Variants in NIPSNAP2 observed in about 807,000 individuals in gnomAD.
NIPSNAP2 encodes the protein protein NipSnap homolog 2.
In NIPSNAP2, 42 loss-of-function variants were observed where a neutral mutation model predicts 48.4. That is an observed-to-expected ratio of 0.87 (90% CI 0.68 to 1.12). The LOEUF is 1.12. NIPSNAP2 is among the 50% of genes most tolerant of loss of function. The probability of loss-of-function intolerance (pLI) is 0.00; values close to 1 mark genes in which losing one functional copy is unlikely to be tolerated. For synonymous variants in NIPSNAP2, 158 were observed against 126.6 expected (o/e 1.25, Z -1.67); for missense variants, 314 against 347.3 (o/e 0.90, Z 0.76).
chr7:55,988,954 A>G (rs530063412), intron 7 of NIPSNAP2, among the ~76,000 whole-genome samples: 48 of 152,208 alleles, frequency 3.2e-4, no homozygotes, highest in Non-Finnish European at 5.9e-4. Context: ...ACACTTATAT[A>G]TATGTGTATA....
rs1473382104 is a variant in NIPSNAP2 at position 55,982,241 on chromosome 7, A to T, written c.405A>T (p.Pro135=). 9 of 1,609,976 alleles carry T rather than the reference A, an allele frequency of 5.6e-6. No individual in the cohort carries two copies. The highest frequency in any genetic ancestry group is 7.6e-6 in the Non-Finnish European group (9 of 1,176,640). ...VHLWRYEGGY[P]ALTEVMNKLR... ...TCTGGAGGTATGAAGGAGGCTATCC[A>T]GCCCTCACAGAAGTCATGAATAAAC... The change falls in exon 5 of 10, where the codon CCA becomes CCT. Residue 135 remains proline, a synonymous_variant. Transcript: ENST00000322090.
chr7:55,974,738 C>T (rs937353803), intron 1 of NIPSNAP2, among the ~76,000 whole-genome samples: 1 of 151,238 alleles, frequency 6.6e-6, no homozygotes, highest in Admixed American at 6.6e-5. Flanking sequence ...GTCTCAGCTA[C>T]TCAGGAGGGT....
intron 8 of NIPSNAP2, among the ~76,000 whole-genome samples, chr7:55,997,158 GA>G (rs34739025): frequency 0.086 from 9,609 of 112,108 alleles, 306 homozygotes; most frequent in Admixed American, 0.11. Context: ...CCTTGTCTCA[GA>G]AAAAAAAAAA....
At chr7:55,997,258 G>A in intron 8 of NIPSNAP2, 108 bp from the exon 9 acceptor site, 1 of 772,554 alleles carries the variant, frequency 1.3e-6, no homozygotes, top group Non-Finnish European at 2.3e-6. Context: ...ACCTGAAGTA[G>A]TCCCTGAGAA....
At chr7:55,998,734 C>T (rs183802411) in intron 9 of NIPSNAP2, among the ~76,000 whole-genome samples, 40 of 152,048 alleles carry the variant, frequency 2.6e-4, no homozygotes, top group African/African-American at 8.2e-4. Context: ...TTCCTGACCT[C>T]GTGATCCACC....
intron 7 of NIPSNAP2, among the ~76,000 whole-genome samples, chr7:55,987,924 A>ATT (rs1787364157): frequency 6.6e-6 from 1 of 152,186 alleles, no homozygotes; most frequent in Non-Finnish European, 1.5e-5. Context: ...AAAAATGGGT[A>ATT]AGATGGTAAA....
intron 4 of NIPSNAP2, 76 bp from the exon 5 acceptor site, chr7:55,982,134 A>G (rs1787228438): frequency 3.3e-6 from 3 of 908,300 alleles, no homozygotes; most frequent in South Asian, 2.8e-5. Flanking sequence ...TGTTAACGTT[A>G]TACCTATCTA....
rs1786853453 is a variant in NIPSNAP2, at chr7:55,964,688, C to A, written c.79C>A (p.Leu27Met). 8.0e-6 allele frequency: 9 copies of A among 1,122,582 alleles called. No individual in the cohort carries two copies. Among genetic ancestry groups the A allele is most frequent in the Non-Finnish European group, 9.8e-6 (9 of 918,072 alleles). The allele number at this position is 1,122,582 out of a possible 1,614,324, so 69.5% of individuals were successfully genotyped here. The stretch of plus-strand genomic sequence containing the variant: ...GCAGCGGGCGGCCCCCTGCAGCCTC[C>A]TGCCCAGGCTCCGGTGAGCAGCGCC... ...LLQRAAPCSL[L>M]PRLRTWTSSS... is the part of the protein sequence containing the mutation. The change falls in exon 1 of 10, where the codon CTG (leucine) becomes ATG (methionine). Residue 27 changes from leucine to methionine, a missense_variant. By Grantham distance (15) the Leu-to-Met change is conservative. Around this residue, in one of 2 missense-constraint regions of NIPSNAP2, gnomAD observed 198 missense variants for 185.5 expected, o/e 1.07. Transcript: ENST00000322090.
In NIPSNAP2 at chr7:55,978,130, T is replaced by C; in HGVS notation, c.97T>C (p.Trp33Arg). The change falls in exon 2 of 10, where the codon TGG becomes CGG. Residue 33 changes from tryptophan to arginine, a missense_variant. Physicochemically the swap from Trp to Arg is moderately radical, Grantham distance 101. This residue lies in a region of NIPSNAP2 where 198 missense variants were observed against 185.5 expected (regional missense o/e 1.07). Coordinates refer to ENST00000322090, the MANE Select transcript of NIPSNAP2 (RefSeq NM_001483.3). ...PCSLLPRLRT[W>R]TSSSNRSRED... ...AACACCTTTGTTATTCCATAGGACATGGACATCTTCCAGCAACAGATCTCG... is the reference window on the plus strand; with the variant it reads ...AACACCTTTGTTATTCCATAGGACACGGACATCTTCCAGCAACAGATCTCG... The C allele has an allele frequency of 5.0e-6, 8 of 1,614,152 alleles. No individual in the cohort carries two copies. Among genetic ancestry groups the C allele is most frequent in the Non-Finnish European group, 6.8e-6 (8 of 1,180,022 alleles).
intron 7 of NIPSNAP2, among the ~76,000 whole-genome samples, chr7:55,987,224 G>T (rs2116362707): frequency 6.6e-6 from 1 of 152,242 alleles, no homozygotes; most frequent in South Asian, 2.1e-4. Context: ...ATATCCAACA[G>T]AATTCAAAGC....
intron 1 of NIPSNAP2, among the ~76,000 whole-genome samples, chr7:55,967,079 G>C (rs534327715): frequency 6.6e-6 from 1 of 152,258 alleles, no homozygotes; most frequent in Admixed American, 6.5e-5. Context: ...ATTAGCCAGC[G>C]TATTTCACTT....
intron 4 of NIPSNAP2, 52 bp from the exon 5 acceptor site, chr7:55,982,158 T>C (rs1449560440): frequency 1.8e-6 from 2 of 1,133,970 alleles, no homozygotes; most frequent in South Asian, 1.3e-5. Context: ...CATTTTCAAG[T>C]AGTAGTATCA....
intron 7 of NIPSNAP2, among the ~76,000 whole-genome samples, chr7:55,991,473 G>A (rs1436549710): frequency 1.3e-5 from 2 of 151,912 alleles, no homozygotes; most frequent in African/African-American, 2.4e-5. Flanking sequence ...TTGACCAGGC[G>A]CGGTGGCTCA....
At chr7:55,967,501 C>A (rs543826228) in intron 1 of NIPSNAP2, among the ~76,000 whole-genome samples, 1 of 152,046 alleles carries the variant, frequency 6.6e-6, no homozygotes, top group Non-Finnish European at 1.5e-5. Context: ...TAGTCTTGCC[C>A]TGTTGCCCAG....
At chr7:55,997,177 CTG>C (rs775777031) in intron 8 of NIPSNAP2, among the ~76,000 whole-genome samples, 187 bp from the exon 9 acceptor site, 144 of 150,080 alleles carry the variant, frequency 9.6e-4, no homozygotes, top group Non-Finnish European at 1.5e-3. Flanking sequence ...AAAAAAAAGA[CTG>C]AAAGTTTGCT....
At chr7:55,975,820 TTGAGGTC>T (rs1787096864) in intron 1 of NIPSNAP2, among the ~76,000 whole-genome samples, 1 of 152,146 alleles carries the variant, frequency 6.6e-6, no homozygotes, top group Admixed American at 6.6e-5. Flanking sequence ...GGCAGATCAC[TTGAGGTC>T]AGGGGTTGAA....
chr7:55,970,013 A>T lies in NIPSNAP2; in HGVS notation c.92+5312A>T. ...AAAAAAAAAAAAAAAGATCATATGAATGAAGCACGGTGTGCTCCTGCTGCC... is the reference window on the plus strand; with the variant it reads ...AAAAAAAAAAAAAAAGATCATATGATTGAAGCACGGTGTGCTCCTGCTGCC... On this transcript the variant is annotated intron_variant, in intron 1 of 9. Transcript: ENST00000322090. 1.3e-5 allele frequency among the ~76,000 whole-genome samples: 2 copies of T among 151,592 alleles called. 1 individual carries two copies. The highest frequency in any genetic ancestry group is 1.3e-4 in the Admixed American group (2 of 15,198).
intron 1 of NIPSNAP2, among the ~76,000 whole-genome samples, chr7:55,967,407 A>G (rs1461406631): frequency 6.6e-6 from 1 of 151,712 alleles, no homozygotes; most frequent in Non-Finnish European, 1.5e-5. Context: ...CCTCAGCAAT[A>G]CTCGTCTGGA....
chr7:55,966,796 C>CA (rs1371506537), intron 1 of NIPSNAP2, among the ~76,000 whole-genome samples: 4 of 151,824 alleles, frequency 2.6e-5, no homozygotes, highest in Non-Finnish European at 4.4e-5. Flanking sequence ...ATAAAACAAA[C>CA]AAAAAAATAT....
Sources: gnomAD v4.1 joint callset for allele counts (sites outside exome capture counted in the v4.1 genomes callset) on GRCh38, gnomAD v4.1.1 for gene constraint, gnomAD v4.1.1 regional missense constraint, MANE v1.5 for transcripts, NCBI Gene and HGNC (gene_info 2026-07-23, HGNC 2026-07-21) for gene names.